DLGAP4: variants seen among roughly 807,000 people sequenced by gnomAD.
The protein encoded by DLGAP4 is DLG associated protein 4.
Under a neutral mutation model 86.9 loss-of-function variants are expected in DLGAP4, and 18 were observed. The ratio of observed to expected loss-of-function variants is 0.21; its 90% CI spans 0.14 to 0.31. The LOEUF is 0.31. Ranked by LOEUF, DLGAP4 falls within the 10% of genes least tolerant of loss-of-function variation. The pLI is 1.00. For synonymous variants in DLGAP4, 548 were observed against 574.3 expected, an observed-to-expected ratio of 0.95 and a Z score of 0.65; for missense variants, 1,085 against 1,362.6, an observed-to-expected ratio of 0.80 and a Z score of 3.21.
At chr20:36,410,132 G>A (rs1280884856) in intron 2 of DLGAP4, among the ~76,000 whole-genome samples, 7 of 151,896 alleles carry the variant, frequency 4.6e-5, no homozygotes, top group African/African-American at 2.4e-5. Context: ...AGGCAAATAC[G>A]AATAAAATTC....
At chr20:36,332,361 C>T (rs893266040) in intron 1 of DLGAP4, among the ~76,000 whole-genome samples, 7 of 151,910 alleles carry the variant, frequency 4.6e-5, no homozygotes, top group Admixed American at 2.6e-4. Flanking sequence ...CCGCCCGTTC[C>T]GTTTTTTGTT....
At chr20:36,507,535 C>CAAGT (rs1223111411) in intron 10 of DLGAP4, among the ~76,000 whole-genome samples, 5 of 152,092 alleles carry the variant, frequency 3.3e-5, no homozygotes, top group African/African-American at 7.2e-5. Flanking sequence ...GCCGTGGCCA[C>CAAGT]AAGTTTTAAG....
At chr20:36,328,925 G>A (rs780780167) in intron 1 of DLGAP4, among the ~76,000 whole-genome samples, 5 of 152,102 alleles carry the variant, frequency 3.3e-5, no homozygotes, top group East Asian at 1.9e-4. Flanking sequence ...ACAGGCATGC[G>A]CCACCATACC....
chr20:36,524,498 C>G (rs977945110), intron 11 of DLGAP4, among the ~76,000 whole-genome samples, 157 bp downstream of exon 11: 1 of 152,228 alleles, frequency 6.6e-6, no homozygotes, highest in Non-Finnish European at 1.5e-5. Flanking sequence ...GTGTCAGTGT[C>G]TAGCACAAGA....
chr20:36,361,245 A>G (rs1330844447), intron 1 of DLGAP4, among the ~76,000 whole-genome samples: 1 of 152,212 alleles, frequency 6.6e-6, no homozygotes, highest in Non-Finnish European at 1.5e-5. Context: ...TTTTAAAAAA[A>G]CTATTTTTCC....
intron 3 of DLGAP4, among the ~76,000 whole-genome samples, chr20:36,433,484 G>A (rs1299752510): frequency 1.3e-5 from 2 of 152,226 alleles, no homozygotes; most frequent in Non-Finnish European, 2.9e-5. Flanking sequence ...TAGGGCAGGG[G>A]GCTATGAACT....
intron 10 of DLGAP4, among the ~76,000 whole-genome samples, chr20:36,511,886 A>G (rs944255567): frequency 6.6e-6 from 1 of 151,158 alleles, no homozygotes; most frequent in Admixed American, 6.6e-5. Flanking sequence ...AAAAAAAAAA[A>G]AAAAATGCAT....
In DLGAP4 at chr20:36,424,745, T is replaced by G. The variant is rs1302318245; in HGVS notation, c.-72-6901T>G. On this transcript the variant is annotated intron_variant, in intron 2 of 12. Transcript: ENST00000339266. ...TTTTTGTTTGTTTTGTTTGTTTTTTTTTTTTTTTGAGACAGAGTCTTGCTC... is the reference window on the plus strand; with the variant it reads ...TTTTTGTTTGTTTTGTTTGTTTTTTGTTTTTTTTGAGACAGAGTCTTGCTC... 3.3e-5 allele frequency among the ~76,000 whole-genome samples: 5 copies of G among 151,498 alleles called. No homozygotes were observed. The East Asian group carries it at 9.7e-4, about 29-fold the overall frequency.
chr20:36,318,315 T>G (rs2065131572), intron 1 of DLGAP4, among the ~76,000 whole-genome samples: 5 of 152,118 alleles, frequency 3.3e-5, no homozygotes, highest in Non-Finnish European at 2.9e-5. Context: ...AAGGGGCCAC[T>G]GTCCTCACAG....
rs1306625765 is a variant in DLGAP4, at chr20:36,485,497, A to G, written c.1649-11208A>G. 5.3e-5 allele frequency among the ~76,000 whole-genome samples: 8 copies of G among 152,278 alleles called. No homozygotes were observed. The East Asian group carries it at 1.3e-3, about 26-fold the overall frequency. ...CAGAAAGGGTTGATGCCCTGTGCACATTTGAACTGTGACCCCCGTTCAGGG... is the reference window on the plus strand; with the variant it reads ...CAGAAAGGGTTGATGCCCTGTGCACGTTTGAACTGTGACCCCCGTTCAGGG... On this transcript the variant is annotated intron_variant, in intron 7 of 12. Coordinates refer to ENST00000339266, the MANE Select transcript of DLGAP4 (RefSeq NM_001365621.2).
intron 2 of DLGAP4, among the ~76,000 whole-genome samples, chr20:36,427,529 A>G (rs1311739369): frequency 6.6e-6 from 1 of 151,822 alleles, no homozygotes; most frequent in East Asian, 1.9e-4. Context: ...GAAGGAAGGA[A>G]ATATTTCGGA....
At chr20:36,392,006 C>G (rs572022111) in intron 2 of DLGAP4, among the ~76,000 whole-genome samples, 2 of 152,216 alleles carry the variant, frequency 1.3e-5, no homozygotes, top group Non-Finnish European at 1.5e-5. Flanking sequence ...TCCTTAAACT[C>G]GCCCTGACTT....
At chr20:36,313,607 G>A (rs1046064138) in intron 1 of DLGAP4, among the ~76,000 whole-genome samples, 4 of 152,124 alleles carry the variant, frequency 2.6e-5, no homozygotes, top group Admixed American at 1.3e-4. Flanking sequence ...CTGCTGCTGG[G>A]GGGGCAGGGC....
chr20:36,472,500 CAAAAA>C (rs1217814412), intron 7 of DLGAP4, among the ~76,000 whole-genome samples: 1 of 76,348 alleles, frequency 1.3e-5, no homozygotes, highest in Non-Finnish European at 2.8e-5. Context: ...AACCCTGTCT[CAAAAA>C]AAAAAAAAAA....
At chr20:36,366,132 T>A (rs1401279772) in intron 1 of DLGAP4, among the ~76,000 whole-genome samples, 2 of 152,140 alleles carry the variant, frequency 1.3e-5, no homozygotes, top group East Asian at 3.9e-4. Context: ...TGGTTTTGGT[T>A]TTTTTGAGAT....
chr20:36,326,903 C>T (rs2065220495), intron 1 of DLGAP4, among the ~76,000 whole-genome samples: 1 of 151,264 alleles, frequency 6.6e-6, no homozygotes. Flanking sequence ...TTCTCACTTG[C>T]ATTGTTTTTG....
At chr20:36,523,366 C>T (rs767121774) in intron 10 of DLGAP4, among the ~76,000 whole-genome samples, 4 of 152,168 alleles carry the variant, frequency 2.6e-5, no homozygotes, top group South Asian at 2.1e-4. Context: ...AGAGACTTCT[C>T]GATTAGGATA....
rs895734409 is a variant in DLGAP4, at chr20:36,395,496, C to CT, written c.-73+28229dup. On this transcript the variant is annotated intron_variant, in intron 2 of 12. Coordinates refer to ENST00000339266, the MANE Select transcript of DLGAP4 (RefSeq NM_001365621.2). ...ATGTAGTTATCACAGTCAGCACTGC[C>CT]TTTTTTTTATTATTATTATTGAGAT... Among the ~76,000 whole-genome samples, 545 of 151,796 alleles carry CT rather than the reference C, an allele frequency of 3.6e-3. 4 individuals carry two copies. Among genetic ancestry groups the CT allele is most frequent in the African/African-American group, 0.013 (523 of 41,286 alleles).
At chr20:36,499,256 G>C (rs1440203933) in intron 8 of DLGAP4, 1 of 1,613,666 alleles carries the variant, frequency 6.2e-7, no homozygotes, top group Non-Finnish European at 8.5e-7. Flanking sequence ...GGACTAGAAG[G>C]AACGGTTCCC....
Sources: gnomAD v4.1 joint callset for allele counts (sites outside exome capture counted in the v4.1 genomes callset) on GRCh38, gnomAD v4.1.1 for gene constraint, MANE v1.5 for transcripts, NCBI Gene and HGNC (gene_info 2026-07-23, HGNC 2026-07-21) for gene names.